AATK: variants seen among roughly 807,000 people sequenced by gnomAD.
AATK encodes serine/threonine-protein kinase LMTK1.
A neutral mutation model predicts 114.3 loss-of-function variants in AATK; 91 were observed. The observed-to-expected ratio is 0.80, with a 90% CI of 0.67 to 0.95. The LOEUF (loss-of-function observed/expected upper bound fraction) is 0.95, where lower values mean the gene tolerates loss of function less well. AATK is among the 40% of genes least tolerant of loss of function. The pLI, the probability that AATK is intolerant of heterozygous loss-of-function variation, is 0.00. For synonymous variants in AATK, 1,075 were observed against 916.5 expected (o/e 1.17, Z -3.12); for missense variants, 2,176 against 1,965.2 (o/e 1.11, Z -2.03).
At chr17:81,149,289 G>A (rs969620272) in intron 1 of AATK, among the ~76,000 whole-genome samples, 35 of 152,012 alleles carry the variant, frequency 2.3e-4, no homozygotes, top group Middle Eastern at 3.4e-3. Context: ...AGGCCCAGTG[G>A]CCACCGCCCA....
Position 81,144,774 on chromosome 17 carries a change from G to A in AATK, c.56-10273C>T, listed in dbSNP as rs919688831. ...GCCCATTAAAGACACTGCCTTAGAT[G>A]AAGCTCCCGGGTGAAAGAAGCTAAC... On this transcript the variant is annotated intron_variant, in intron 1 of 13. Transcript: ENST00000326724. Among the ~76,000 whole-genome samples the A allele has an allele frequency of 7.9e-5, 12 of 152,346 alleles. 1 individual carries two copies. Among genetic ancestry groups the A allele is most frequent in the Admixed American group, 2.6e-4 (4 of 15,308 alleles).
At chr17:81,164,259 G>A (rs2061459250) in intron 1 of AATK, among the ~76,000 whole-genome samples, 4 of 152,192 alleles carry the variant, frequency 2.6e-5, no homozygotes, top group Admixed American at 2.6e-4. Context: ...GCTAAGTTTA[G>A]CGGGAGGGCA....
Position 81,128,500 on chromosome 17 carries a change from C to T in AATK, c.384G>A (p.Leu128=). The T allele has an allele frequency of 6.5e-7, 1 of 1,549,402 alleles. No individual in the cohort carries two copies. The highest frequency in any genetic ancestry group is 8.7e-7 in the Non-Finnish European group (1 of 1,146,910). The change falls in exon 4 of 14, where the codon CTG becomes CTA. Residue 128 remains leucine (L), a synonymous_variant. Coordinates refer to ENST00000326724, the MANE Select transcript of AATK (RefSeq NM_001080395.3). The part of the protein sequence containing the change: ...TDVGRHSLLY[L]KEIGRGWFGK... ...CGAACCAGCCACGGCCGATTTCCTT[C>T]AGGTACAGGAGGCTGTGCCGGCCCA...
chr17:81,165,662 G>A (rs1194159282), intron 1 of AATK: 7 of 1,500,338 alleles, frequency 4.7e-6, no homozygotes, highest in Non-Finnish European at 6.2e-6. Flanking sequence ...GCCCACGCAG[G>A]CCCTCCGTGC....
intron 1 of AATK, among the ~76,000 whole-genome samples, chr17:81,153,004 A>T (rs1259593182): frequency 2.0e-5 from 3 of 152,064 alleles, no homozygotes; most frequent in Non-Finnish European, 4.4e-5. Context: ...CACCACGCTC[A>T]GCTAATATTT....
chr17:81,159,047 C>T (rs1424610881), intron 1 of AATK, among the ~76,000 whole-genome samples: 1 of 152,100 alleles, frequency 6.6e-6, no homozygotes, highest in Admixed American at 6.5e-5. Context: ...AGATCGGTGG[C>T]TGCCAGGGCT....
intron 2 of AATK, among the ~76,000 whole-genome samples, chr17:81,131,423 G>C (rs76301461): frequency 0.019 from 2,924 of 152,218 alleles, 26 homozygotes; most frequent in Non-Finnish European, 0.023. Flanking sequence ...CCACGCCCCC[G>C]ACCAGAGGCT....
At chr17:81,129,530 A>G (rs1241620405) in intron 3 of AATK, among the ~76,000 whole-genome samples, 1 of 152,176 alleles carries the variant, frequency 6.6e-6, no homozygotes, top group Non-Finnish European at 1.5e-5. Flanking sequence ...CTCTGGGGCT[A>G]CTTTTCTGAC....
In AATK at chr17:81,131,341, C is replaced by T; in HGVS notation, c.190-136G>A. ...GGGGGTGCTCGGCCCAGAGTTGGAGCCACCGCCCCTGCAGGCCAATGGCCC... is the reference window on the plus strand; with the variant it reads ...GGGGGTGCTCGGCCCAGAGTTGGAGTCACCGCCCCTGCAGGCCAATGGCCC... On this transcript the variant is annotated intron_variant, in intron 2 of 13. Transcript: ENST00000326724. 3 of 1,197,694 alleles carry T rather than the reference C, an allele frequency of 2.5e-6. No homozygotes were observed. In the South Asian group the frequency reaches 4.8e-5, roughly 19 times the overall value. 74.2% of individuals were successfully genotyped at this position (1,197,694 alleles called of 1,614,324 possible). A position where few individuals can be genotyped will look rare whatever the true frequency, so the allele number is the denominator to read the frequency against.
At chr17:81,145,995 C>T (rs1320736737) in intron 1 of AATK, among the ~76,000 whole-genome samples, 1 of 151,480 alleles carries the variant, frequency 6.6e-6, no homozygotes, top group Non-Finnish European at 1.5e-5. Flanking sequence ...CGAGACCAGC[C>T]TGGGCAACAT....
rs182697167 is a variant in AATK at position 81,143,879 on chromosome 17, G to A, written c.56-9378C>T. On this transcript the variant is annotated intron_variant, in intron 1 of 13. Coordinates refer to ENST00000326724, the MANE Select transcript of AATK (RefSeq NM_001080395.3). ...GCATGCATGCCCCGTGGGTGCGGGCGTGACCCCCACATGCTAGCTCAGTCT... is the reference window on the plus strand; with the variant it reads ...GCATGCATGCCCCGTGGGTGCGGGCATGACCCCCACATGCTAGCTCAGTCT... 3.8e-3 allele frequency among the ~76,000 whole-genome samples: 579 copies of A among 152,366 alleles called. 6 individuals are homozygous for A. Among genetic ancestry groups the A allele is most frequent in the African/African-American group, 0.012 (500 of 41,590 alleles).
intron 1 of AATK, among the ~76,000 whole-genome samples, chr17:81,138,286 C>G (rs1175891392): frequency 6.9e-6 from 1 of 145,370 alleles, no homozygotes; most frequent in Non-Finnish European, 1.5e-5. Context: ...TGCACACCCA[C>G]CCACACATGT....
At chr17:81,155,410 C>T (rs1378288387) in intron 1 of AATK, among the ~76,000 whole-genome samples, 3 of 151,616 alleles carry the variant, frequency 2.0e-5, no homozygotes, top group Non-Finnish European at 4.4e-5. Context: ...TTTTTTGAGA[C>T]GCAGTCTCAC....
intron 13 of AATK, among the ~76,000 whole-genome samples, chr17:81,119,161 GTC>G (rs2060633024): frequency 3.4e-5 from 2 of 59,068 alleles, no homozygotes; most frequent in Admixed American, 4.0e-4. Flanking sequence ...TCAGGTGAGG[GTC>G]AGGTGAGGGT....
intron 1 of AATK, among the ~76,000 whole-genome samples, chr17:81,155,054 C>T (rs2061344382): frequency 6.6e-6 from 1 of 152,224 alleles, no homozygotes; most frequent in South Asian, 2.1e-4. Context: ...GGTTCTCATT[C>T]ATCTTTGCAC....
At position 81,125,005 on chromosome 17, in the gene AATK, G is replaced by A; in HGVS notation, c.765C>T (p.Ala255=). Residue 255 remains alanine (A), a synonymous_variant, in exon 8 of 14, where the codon GCC becomes GCT. Transcript: ENST00000326724. ...HRNNFVHSDL[A]LRNCLLTADL... Reference sequence around the variant, plus strand: ...CAGCCGTGAGCAGGCAGTTCCGCAGGGCCAGGTCGCTGCAGGCAGGGGCAG... The same window carrying A: ...CAGCCGTGAGCAGGCAGTTCCGCAGAGCCAGGTCGCTGCAGGCAGGGGCAG... 2 of 1,562,916 alleles carry A rather than the reference G, an allele frequency of 1.3e-6. No homozygotes were observed. The highest frequency in any genetic ancestry group is 8.7e-7 in the Non-Finnish European group (1 of 1,154,220).
chr17:81,165,669 G>A (rs747297362), intron 1 of AATK: 5 of 1,505,072 alleles, frequency 3.3e-6, no homozygotes, highest in East Asian at 5.2e-5. Context: ...CAGGCCCTCC[G>A]TGCCCCAGTT....
chr17:81,140,342 CA>C (rs1459380565), intron 1 of AATK, among the ~76,000 whole-genome samples: 1 of 152,220 alleles, frequency 6.6e-6, no homozygotes, highest in Non-Finnish European at 1.5e-5. Context: ...CTTTTCATTC[CA>C]ATGAGCTGTA....
intron 1 of AATK, among the ~76,000 whole-genome samples, chr17:81,144,968 C>A (rs1359329137): frequency 6.6e-6 from 1 of 152,214 alleles, no homozygotes; most frequent in African/African-American, 2.4e-5. Flanking sequence ...CGCGGTGGCT[C>A]ACGCCTGTAA....
Sources: allele counts gnomAD v4.1 joint callset (sites outside exome capture counted in the v4.1 genomes callset), GRCh38; gene constraint gnomAD v4.1.1; transcripts MANE v1.5; gene names NCBI Gene and HGNC (gene_info 2026-07-23, HGNC 2026-07-21).